Variants in SLC4A2 observed in about 807,000 individuals in gnomAD.
The protein encoded by SLC4A2 is anion exchange protein 2.
In SLC4A2, 36 loss-of-function variants were observed where a neutral mutation model predicts 115.0. The observed-to-expected ratio is 0.31, with a 90% CI of 0.24 to 0.41. The LOEUF (loss-of-function observed/expected upper bound fraction) is 0.41, where lower values mean the gene tolerates loss of function less well. Ranked by LOEUF, SLC4A2 falls within the 10% of genes least tolerant of loss-of-function variation. The probability of loss-of-function intolerance (pLI) is 1.00; values close to 1 mark genes in which losing one functional copy is unlikely to be tolerated. For synonymous variants in SLC4A2, 708 were observed against 708.3 expected (o/e 1.00, Z 0.01); for missense variants, 1,252 against 1,705.6 (o/e 0.73, Z 4.68).
chr7:151,066,119 G>A (rs948642399), intron 5 of SLC4A2, among the ~76,000 whole-genome samples: 8 of 152,168 alleles, frequency 5.3e-5, no homozygotes, highest in African/African-American at 1.9e-4. Context: ...AGGGGGCAGG[G>A]GGATGAATGC....
Position 151,071,522 on chromosome 7 carries a change from C to G in SLC4A2, c.2108C>G (p.Ala703Gly). ...CACTACCTGAGTGACTTCCGAGATG[C>G]ACTTGACCCTCAGTGCCTGGCCGCA... ...YPHYLSDFRD[A>G]LDPQCLAAVI... is the part of the protein sequence containing the mutation. Residue 703 changes from alanine (A) to glycine (G), a missense_variant, in exon 14 of 23, where the codon GCA (alanine) becomes GGA (glycine). By Grantham distance (60) the Ala-to-Gly change is moderately conservative. This residue lies in a region of SLC4A2 where 122 missense variants were observed against 116.8 expected (regional missense o/e 1.04). Transcript: ENST00000413384. The surrounding 1 kb of genome is among the most constrained non-coding windows in gnomAD (Gnocchi z 5.5). 6.2e-7 allele frequency: 1 copy of G among 1,613,952 alleles called. No individual in the cohort carries two copies. The highest frequency in any genetic ancestry group is 8.5e-7 in the Non-Finnish European group (1 of 1,179,996).
rs1474573749 is a variant in SLC4A2, at chr7:151,070,809, G to A, written c.1647G>A (p.Val549=). The change falls in exon 12 of 23, where the codon GTG becomes GTA. Residue 549 remains valine (V), a synonymous_variant. Transcript: ENST00000413384. ...EAVELDAVLE[V]PVPVRFLFLL... Reference sequence around the variant, plus strand: ...TGGAGTTGGACGCAGTGTTGGAGGTGCCGGTGCCTGTGCGTTTCCTCTTCC... The same window carrying A: ...TGGAGTTGGACGCAGTGTTGGAGGTACCGGTGCCTGTGCGTTTCCTCTTCC... The A allele has an allele frequency of 1.2e-6, 2 of 1,614,012 alleles. No homozygotes were observed. Among genetic ancestry groups the A allele is most frequent in the African/African-American group, 1.3e-5 (1 of 75,038 alleles).
In SLC4A2 at chr7:151,075,155, C is replaced by T. The variant is rs566196046; in HGVS notation, c.3048-100C>T. ...GGAATGGACAGGGACCGCCAGGTTC[C>T]AAAGCCAGATGGAGGGACTGGCTGG... is the stretch of plus-strand genomic sequence containing the variant. On this transcript the variant is annotated intron_variant, in intron 19 of 22. Coordinates refer to ENST00000413384, the MANE Select transcript of SLC4A2 (RefSeq NM_003040.4). The T allele has an allele frequency of 2.8e-5, 43 of 1,518,634 alleles. No individual in the cohort carries two copies. The African/African-American group carries it at 4.4e-4, about 16-fold the overall frequency. The allele number at this position is 1,518,634 out of a possible 1,614,324, so 94.1% of individuals were successfully genotyped here.
chr7:151,058,575 G>A (rs1206407569), upstream of SLC4A2: 3 of 152,320 alleles, frequency 2.0e-5, no homozygotes, highest in African/African-American at 7.2e-5. Flanking sequence ...AGCCCCGTTT[G>A]TTGTCTCGGA....
intron 11 of SLC4A2, 51 bp from the exon 12 acceptor site, chr7:151,070,676 G>A: frequency 6.2e-7 from 1 of 1,606,504 alleles, no homozygotes; most frequent in Non-Finnish European, 8.5e-7. Flanking sequence ...CGAGGGACTG[G>A]AAGGCGGTCC....
rs904118890 is a variant in SLC4A2, at chr7:151,064,065, T to C, written c.52-137T>C. The C allele has an allele frequency of 5.6e-5, 44 of 787,402 alleles. No homozygotes were observed. The African/African-American group carries it at 6.8e-4, about 12-fold the overall frequency. 48.8% of individuals were successfully genotyped at this position (787,402 alleles called of 1,614,324 possible). On this transcript the variant is annotated intron_variant, in intron 2 of 22. Coordinates refer to ENST00000413384, the MANE Select transcript of SLC4A2 (RefSeq NM_003040.4). ...ATTTAAGGGACAGCTGCTGGGGGCATATAGAGCCACCAGCATTAGAGGAGA... is the reference window on the plus strand; with the variant it reads ...ATTTAAGGGACAGCTGCTGGGGGCACATAGAGCCACCAGCATTAGAGGAGA...
chr7:151,066,998 C>T lies in SLC4A2; in HGVS notation c.966+5C>T, dbSNP rs780957989. ...GCCCCCCACAAGCCCCATGAGGTAC[C>T]ATGCTCTGCTTCATGCTCTTCCATC... On this transcript the variant is annotated splice_donor_5th_base_variant and intron_variant, in intron 7 of 22. Transcript: ENST00000413384. 1.3e-6 allele frequency: 2 copies of T among 1,587,258 alleles called. No homozygotes were observed. Among genetic ancestry groups the T allele is most frequent in the Admixed American group, 1.8e-5 (1 of 54,112 alleles).
intron 8 of SLC4A2, among the ~76,000 whole-genome samples, 172 bp from the exon 9 acceptor site, chr7:151,069,775 T>G (rs1376532220): frequency 6.6e-6 from 1 of 152,116 alleles, no homozygotes; most frequent in African/African-American, 2.4e-5. Flanking sequence ...AGAGGGTTGA[T>G]GTGACGTAGG....
chr7:151,073,145 C>A (rs914796509), intron 16 of SLC4A2, among the ~76,000 whole-genome samples: 2 of 152,130 alleles, frequency 1.3e-5, no homozygotes, highest in Admixed American at 6.5e-5. Context: ...AGAGGCCTGC[C>A]TAGATTGCCC....
At chr7:151,074,925 T>A (rs1479377885) in intron 19 of SLC4A2, 84 bp downstream of exon 19, 1 of 1,381,842 alleles carries the variant, frequency 7.2e-7, no homozygotes, top group African/African-American at 1.4e-5. Context: ...CCAGCCACAC[T>A]GGGCAATCCC....
intron 16 of SLC4A2, among the ~76,000 whole-genome samples, chr7:151,072,579 C>A (rs1003815272): frequency 1.3e-5 from 2 of 152,180 alleles, no homozygotes; most frequent in Non-Finnish European, 2.9e-5. Flanking sequence ...GATTTAGCCA[C>A]CACACCTGGC....
In SLC4A2 at chr7:151,076,018, G is replaced by C. The variant is rs1797622121; in HGVS notation, c.3477G>C (p.Arg1159=). 2 of 1,602,866 alleles carry C rather than the reference G, an allele frequency of 1.2e-6. No homozygotes were observed. Among genetic ancestry groups the C allele is most frequent in the Admixed American group, 3.4e-5 (2 of 59,178 alleles). ...CACCTGTCTCCGCCCCCCAGGTCCG[G>C]ACCCTCCGTATGCACCTGTTCACGG... The part of the protein sequence containing the change: ...HPDVTYVKKV[R]TLRMHLFTAL... Residue 1159 remains arginine (R), a synonymous_variant, in exon 22 of 23, where the codon CGG becomes CGC. Transcript: ENST00000413384.
At chr7:151,075,933 C>A in intron 21 of SLC4A2, 80 bp from the exon 22 acceptor site, 1 of 1,486,782 alleles carries the variant, frequency 6.7e-7, no homozygotes. Flanking sequence ...GTTCTTCCAT[C>A]CCCGCCTCCG....
At chr7:151,062,217 G>T (rs529941658) in intron 2 of SLC4A2, among the ~76,000 whole-genome samples, 179 bp downstream of exon 2, 7 of 152,262 alleles carry the variant, frequency 4.6e-5, no homozygotes, top group Admixed American at 1.3e-4. Context: ...GGTAGTGGGG[G>T]TATCAGACGT....
Position 151,064,608 on chromosome 7 carries a change from G to A in SLC4A2, c.300G>A (p.Gln100=). The change falls in exon 4 of 23, where the codon CAG becomes CAA. Residue 100 remains glutamine (Q), a synonymous_variant. Coordinates refer to ENST00000413384, the MANE Select transcript of SLC4A2 (RefSeq NM_003040.4). The part of the protein sequence containing the change: ...PPDARRRKTP[Q]GPGRKPRRRP... ...ATGCACGCCGCCGCAAGACACCCCA[G>A]GGCCCAGGACGGAAGCCTCGAAGGC... is the stretch of plus-strand genomic sequence containing the variant. 1 of 1,613,486 alleles carries A rather than the reference G, an allele frequency of 6.2e-7. No homozygotes were observed. The highest frequency in any genetic ancestry group is 8.5e-7 in the Non-Finnish European group (1 of 1,179,934).
Position 151,075,709 on chromosome 7 carries a change from C to A in SLC4A2, c.3405C>A (p.Phe1135Leu), listed in dbSNP as rs1220335819. ...TCACCTCCCTTAACGGGATCCAGTTCTATGAGCGGCTGCATCTGCTGCTCA... is the reference window on the plus strand; with the variant it reads ...TCACCTCCCTTAACGGGATCCAGTTATATGAGCGGCTGCATCTGCTGCTCA... Reference protein sequence around the residue: ...MGVTSLNGIQFYERLHLLLMP... With the variant: ...MGVTSLNGIQLYERLHLLLMP... Residue 1135 changes from phenylalanine to leucine, a missense_variant, in exon 21 of 23, where the codon TTC becomes TTA. Transcript: ENST00000413384. The A allele has an allele frequency of 1.2e-6, 2 of 1,611,686 alleles. No homozygotes were observed. The highest frequency in any genetic ancestry group is 1.7e-6 in the Non-Finnish European group (2 of 1,178,272).
Position 151,070,555 on chromosome 7 carries a change from C to T in SLC4A2, c.1548C>T (p.Ala516=). Residue 516 remains alanine (A), a synonymous_variant, in exon 11 of 23, where the codon GCC becomes GCT. Transcript: ENST00000413384. ...LLEKIPENAE[A]TVVLVGCVEF... Reference sequence around the variant, plus strand: ...AGAAGATTCCTGAGAATGCCGAGGCCACGGTGGTCCTTGTGGGTATGTGGG... The same window carrying T: ...AGAAGATTCCTGAGAATGCCGAGGCTACGGTGGTCCTTGTGGGTATGTGGG... The T allele has an allele frequency of 6.2e-7, 1 of 1,613,506 alleles. No individual in the cohort carries two copies. The highest frequency in any genetic ancestry group is 1.1e-5 in the South Asian group (1 of 91,034).
chr7:151,075,871 C>T, intron 21 of SLC4A2, 96 bp downstream of exon 21: 1 of 1,430,714 alleles, frequency 7.0e-7, no homozygotes, highest in Non-Finnish European at 9.5e-7. Context: ...CTGCCCAGTT[C>T]AGCCAGCCCC....
intron 7 of SLC4A2, 103 bp downstream of exon 7, chr7:151,067,096 TTTG>T: frequency 8.1e-7 from 1 of 1,231,904 alleles, no homozygotes; most frequent in Non-Finnish European, 1.1e-6. Flanking sequence ...CCACTGTTGT[TTTG>T]TTGTTGTTTG....
Sources: allele counts gnomAD v4.1 joint callset (sites outside exome capture counted in the v4.1 genomes callset), GRCh38; gene constraint gnomAD v4.1.1; regional missense constraint gnomAD v4.1.1; non-coding constraint Gnocchi (gnomAD v3.1); transcripts MANE v1.5; gene names NCBI Gene and HGNC (gene_info 2026-07-23, HGNC 2026-07-21).